Variants in ADGRV1 observed in about 807,000 individuals in gnomAD.
ADGRV1 encodes G-protein coupled receptor 98.
In ADGRV1, 359 loss-of-function variants were observed where a neutral mutation model predicts 596.2. That is an observed-to-expected ratio of 0.60 (90% CI 0.55 to 0.66). ADGRV1 has a LOEUF of 0.66. ADGRV1 is among the 30% of genes least tolerant of loss of function. The pLI, the probability that ADGRV1 is intolerant of heterozygous loss-of-function variation, is 0.00. For synonymous variants in ADGRV1, 2,681 were observed against 2,679.2 expected (o/e 1.00, Z -0.02); for missense variants, 7,274 against 7,575.6 (o/e 0.96, Z 1.48).
chr5:90,753,018 CAT>C (rs1755439723), intron 53 of ADGRV1, among the ~76,000 whole-genome samples: 1 of 151,614 alleles, frequency 6.6e-6, no homozygotes, highest in African/African-American at 2.4e-5. Flanking sequence ...CAAGGTCTTC[CAT>C]GCTTTTTAGC....
Position 91,002,579 on chromosome 5 carries a change from C to T in ADGRV1, c.18152+17057C>T, listed in dbSNP as rs143056633. 7.2e-5 allele frequency among the ~76,000 whole-genome samples: 11 copies of T among 152,114 alleles called. No homozygotes were observed. The East Asian group carries it at 2.1e-3, about 29-fold the overall frequency. On this transcript the variant is annotated intron_variant, in intron 85 of 89. Coordinates refer to ENST00000405460, the MANE Select transcript of ADGRV1 (RefSeq NM_032119.4). Reference sequence around the variant, plus strand: ...GTCTTCTTGGATCCTATTTAGACTTCCAAGCCATTTTCTAAATTTTTTCTG... The same window carrying T: ...GTCTTCTTGGATCCTATTTAGACTTTCAAGCCATTTTCTAAATTTTTTCTG...
intron 87 of ADGRV1, among the ~76,000 whole-genome samples, chr5:91,115,869 C>A (rs1468859322): frequency 6.6e-6 from 1 of 152,140 alleles, no homozygotes; most frequent in Non-Finnish European, 1.5e-5. Context: ...ATCGCTTGAA[C>A]ACTGGAGGCG....
chr5:90,775,475 C>A (rs188574548), intron 60 of ADGRV1, among the ~76,000 whole-genome samples: 1 of 151,924 alleles, frequency 6.6e-6, no homozygotes, highest in Non-Finnish European at 1.5e-5. Context: ...AATCATTTAC[C>A]ATATCAAAAA....
chr5:90,910,302 G>C (rs990830588), intron 83 of ADGRV1, among the ~76,000 whole-genome samples: 3 of 152,134 alleles, frequency 2.0e-5, no homozygotes, highest in African/African-American at 7.2e-5. Flanking sequence ...AGATATAACC[G>C]AACTTCTACC....
In ADGRV1 at chr5:90,784,376, T is replaced by C. The variant is rs911161408; in HGVS notation, c.13653+319T>C. 5.9e-5 allele frequency among the ~76,000 whole-genome samples: 9 copies of C among 152,228 alleles called. No homozygotes were observed. The South Asian group carries it at 8.3e-4, about 14-fold the overall frequency. On this transcript the variant is annotated intron_variant, in intron 67 of 89. Coordinates refer to ENST00000405460, the MANE Select transcript of ADGRV1 (RefSeq NM_032119.4). ...AGGTACTGAGAATATACTGAGGAAC[T>C]AGATAGACCTCATCTCCGTTCTTAC... is the stretch of plus-strand genomic sequence containing the variant.
chr5:90,856,770 C>A (rs1400954193), intron 82 of ADGRV1, among the ~76,000 whole-genome samples: 1 of 152,124 alleles, frequency 6.6e-6, no homozygotes, highest in Non-Finnish European at 1.5e-5. Context: ...TACTTAGTTT[C>A]TCTGTACTTC....
chr5:90,960,018 A>G lies in ADGRV1; in HGVS notation c.17857-5397A>G, dbSNP rs546744376. On this transcript the variant is annotated intron_variant, in intron 83 of 89. Coordinates refer to ENST00000405460, the MANE Select transcript of ADGRV1 (RefSeq NM_032119.4). The stretch of plus-strand genomic sequence containing the variant: ...GCTGGGCATGGTGGCGGGCACCTGT[A>G]GTCCCAGCTACTCGGGAGGCTGAGG... 2.0e-4 allele frequency among the ~76,000 whole-genome samples: 30 copies of G among 151,992 alleles called. No homozygotes were observed. In the East Asian group the frequency reaches 5.6e-3, roughly 29 times the overall value.
At chr5:90,874,164 C>T (rs930476099) in intron 83 of ADGRV1, among the ~76,000 whole-genome samples, 2 of 152,160 alleles carry the variant, frequency 1.3e-5, no homozygotes, top group South Asian at 2.1e-4. Context: ...ACCACCTCCC[C>T]GTTCACCCAG....
rs750653866 is a variant in ADGRV1, at chr5:90,627,464, C to A, written c.926C>A (p.Thr309Asn). Residue 309 changes from threonine to asparagine, a missense_variant, in exon 7 of 90, where the codon ACT (threonine) becomes AAT (asparagine). Coordinates refer to ENST00000405460, the MANE Select transcript of ADGRV1 (RefSeq NM_032119.4). ...GTTTCAATCAGTTATGCTGTCACAA[C>A]TGGGAATTCCACAGCACATGCCCAG... is the stretch of plus-strand genomic sequence containing the variant. Reference protein sequence around the residue: ...YEVSISYAVTTGNSTAHAQQN... With the variant: ...YEVSISYAVTNGNSTAHAQQN... 4 of 1,613,964 alleles carry A rather than the reference C, an allele frequency of 2.5e-6. No individual in the cohort carries two copies. In the South Asian group the frequency reaches 4.4e-5, roughly 18 times the overall value.
intron 87 of ADGRV1, among the ~76,000 whole-genome samples, chr5:91,144,923 T>C (rs889420987): frequency 2.0e-5 from 3 of 152,226 alleles, no homozygotes; most frequent in African/African-American, 7.2e-5. Context: ...CTCTTATAAT[T>C]CTTTCACAGA....
At chr5:90,903,949 C>G (rs1772083225) in intron 83 of ADGRV1, among the ~76,000 whole-genome samples, 1 of 152,004 alleles carries the variant, frequency 6.6e-6, no homozygotes, top group South Asian at 2.1e-4. Context: ...AACCATCCTT[C>G]TACTCTCTAT....
At chr5:90,655,158 C>T (rs997551131) in intron 20 of ADGRV1, 1 of 152,390 alleles carries the variant, frequency 6.6e-6, no homozygotes, top group Non-Finnish European at 1.5e-5. Flanking sequence ...AGCCCCCAGA[C>T]CAAGAAACAG....
chr5:90,709,515 T>G (rs1261801597), intron 39 of ADGRV1, among the ~76,000 whole-genome samples: 1 of 152,162 alleles, frequency 6.6e-6, no homozygotes, highest in Non-Finnish European at 1.5e-5. Flanking sequence ...CCTGTAGGTG[T>G]GATGGCCCAC....
At chr5:90,664,333 T>C (rs374119766) in intron 21 of ADGRV1, among the ~76,000 whole-genome samples, 27 of 147,298 alleles carry the variant, frequency 1.8e-4, no homozygotes, top group Non-Finnish European at 2.4e-4. Context: ...CTTCACATCC[T>C]TTGTAAGTTG....
chr5:90,868,744 T>C (rs1768378069), intron 83 of ADGRV1, among the ~76,000 whole-genome samples: 1 of 151,806 alleles, frequency 6.6e-6, no homozygotes, highest in Admixed American at 6.6e-5. Flanking sequence ...TAGAGATTAG[T>C]TGGGTGAATA....
chr5:90,710,108 C>T (rs991925017), intron 39 of ADGRV1, among the ~76,000 whole-genome samples: 6 of 152,216 alleles, frequency 3.9e-5, no homozygotes, highest in Middle Eastern at 3.4e-3. Context: ...TATATGCTTT[C>T]CTGGACAGTG....
intron 85 of ADGRV1, among the ~76,000 whole-genome samples, chr5:90,998,322 C>T (rs2151096986): frequency 6.6e-6 from 1 of 152,110 alleles, no homozygotes; most frequent in Non-Finnish European, 1.5e-5. Flanking sequence ...AAAAAGTAAG[C>T]ATTATTTTTT....
In ADGRV1 at chr5:90,887,273, T is replaced by G. The variant is rs567708268; in HGVS notation, c.17856+23416T>G. ...CCTGGCATGCTCTTTTCACTGATCC[T>G]TGGCTGTTTGTATCAGAGGTTCCTT... On this transcript the variant is annotated intron_variant, in intron 83 of 89. Transcript: ENST00000405460. Among the ~76,000 whole-genome samples the G allele has an allele frequency of 9.0e-3, 1,365 of 152,262 alleles. 27 individuals carry two copies. The highest frequency in any genetic ancestry group is 0.031 in the African/African-American group (1,299 of 41,554).
chr5:90,568,844 G>GCC (rs1387904036), intron 1 of ADGRV1, among the ~76,000 whole-genome samples: 2 of 152,062 alleles, frequency 1.3e-5, no homozygotes, highest in Non-Finnish European at 2.9e-5. Context: ...GATAAATTGA[G>GCC]CCCTTTATCT....
Sources: gnomAD v4.1 joint callset for allele counts (sites outside exome capture counted in the v4.1 genomes callset) on GRCh38, gnomAD v4.1.1 for gene constraint, MANE v1.5 for transcripts, NCBI Gene and HGNC (gene_info 2026-07-23, HGNC 2026-07-21) for gene names.